CPA4: variants seen among roughly 807,000 people sequenced by gnomAD.
CPA4 encodes carboxypeptidase A3.
Under a neutral mutation model 54.7 loss-of-function variants are expected in CPA4, and 49 were observed. The ratio of observed to expected loss-of-function variants is 0.90; its 90% CI spans 0.71 to 1.14. The LOEUF (loss-of-function observed/expected upper bound fraction) is 1.14, where lower values mean the gene tolerates loss of function less well. CPA4 is among the 50% of genes most tolerant of loss of function. CPA4 has a pLI of 0.00. For missense variants in CPA4, 487 were observed against 525.1 expected, an observed-to-expected ratio of 0.93 and a Z score of 0.71; for synonymous variants, 215 against 206.8, an observed-to-expected ratio of 1.04 and a Z score of -0.34.
rs1287981814 is a variant in CPA4, at chr7:130,310,712, C to G, written c.794-75C>G. 3.5e-6 allele frequency: 5 copies of G among 1,428,426 alleles called. No homozygotes were observed. The highest frequency in any genetic ancestry group is 4.9e-6 in the Non-Finnish European group (5 of 1,016,208). The allele number at this position is 1,428,426 out of a possible 1,614,324, so 88.5% of individuals were successfully genotyped here. ...CCCATTCCCAATACCTTCGGCCCCT[C>G]TCTAGGTGGAGCGTCTTGCATTTCT... On this transcript the variant is annotated intron_variant, in intron 8 of 10. Transcript: ENST00000222482. The surrounding 1 kb of genome is among the most constrained non-coding windows in gnomAD (Gnocchi z 4.3).
chr7:130,305,242 A>G (rs1793801611), intron 5 of CPA4, among the ~76,000 whole-genome samples: 1 of 152,180 alleles, frequency 6.6e-6, no homozygotes. Flanking sequence ...CCAGTGGGAG[A>G]GGAGACCTGC....
chr7:130,298,660 C>G, intron 1 of CPA4, 86 bp from the exon 2 acceptor site: 2 of 807,954 alleles, frequency 2.5e-6, no homozygotes, highest in Non-Finnish European at 4.3e-6. Context: ...CTGGTTACGT[C>G]TGGGATAGGA....
chr7:130,308,282 G>C (rs761966695), intron 7 of CPA4, 25 bp from the exon 8 acceptor site: 7 of 1,601,568 alleles, frequency 4.4e-6, no homozygotes, highest in Non-Finnish European at 6.0e-6. Context: ...CTGGTTGTTT[G>C]TCCCCTCCTT....
intron 10 of CPA4, among the ~76,000 whole-genome samples, chr7:130,314,174 A>G (rs532116515): frequency 2.0e-5 from 3 of 152,310 alleles, no homozygotes; most frequent in East Asian, 1.9e-4. Flanking sequence ...TTTGGTGGTC[A>G]GAGGGGTGTT....
chr7:130,314,510 C>CGT (rs1343041736), intron 10 of CPA4, among the ~76,000 whole-genome samples: 2 of 152,160 alleles, frequency 1.3e-5, no homozygotes, highest in African/African-American at 4.8e-5. Context: ...GGAAGAGCTG[C>CGT]GTAAGCTGAG....
chr7:130,315,837 C>T (rs1793979119), intron 10 of CPA4, among the ~76,000 whole-genome samples: 1 of 152,050 alleles, frequency 6.6e-6, no homozygotes, highest in Non-Finnish European at 1.5e-5. Context: ...GCAAATAGAG[C>T]ATTGATGGGA....
At chr7:130,300,718 G>A (rs1793726545) in intron 3 of CPA4, 98 bp from the exon 4 acceptor site, 8 of 745,616 alleles carry the variant, frequency 1.1e-5, no homozygotes, top group Non-Finnish European at 1.7e-5. Flanking sequence ...TGCTGAAAGG[G>A]CCGCCATCTT....
rs190845836 is a variant in CPA4, at chr7:130,310,939, T to G, written c.946T>G (p.Tyr316Asp). 1 of 1,614,154 alleles carries G rather than the reference T, an allele frequency of 6.2e-7. No individual in the cohort carries two copies. Among genetic ancestry groups the G allele is most frequent in the African/African-American group, 1.3e-5 (1 of 75,042 alleles). ...GCACAGCTACTCGCAGCTGCTGATGTATCCATATGGGTACTCAGTCAAAAA... is the reference window on the plus strand; with the variant it reads ...GCACAGCTACTCGCAGCTGCTGATGGATCCATATGGGTACTCAGTCAAAAA... ...DLHSYSQLLM[Y>D]PYGYSVKKAP... Residue 316 changes from tyrosine to aspartate, a missense_variant, in exon 9 of 11, where the codon TAT becomes GAT. Physicochemically the swap from Tyr to Asp is radical, Grantham distance 160. Coordinates refer to ENST00000222482, the MANE Select transcript of CPA4 (RefSeq NM_016352.4). This position sits in a 1 kb window ranked among gnomAD's most constrained non-coding sequence, Gnocchi z 4.3.
chr7:130,303,364 A>G (rs1217650835), intron 4 of CPA4, among the ~76,000 whole-genome samples: 2 of 152,244 alleles, frequency 1.3e-5, no homozygotes, highest in African/African-American at 2.4e-5. Flanking sequence ...GGGCACATGT[A>G]TCCACAGGAT....
At position 130,310,740 on chromosome 7, in the gene CPA4, G is replaced by A. The variant is rs759952173; in HGVS notation, c.794-47G>A. ...TAGGTGGAGCGTCTTGCATTTCTGT[G>A]TTCTTGGACTATGAGTTAATGTTTG... is the stretch of plus-strand genomic sequence containing the variant. On this transcript the variant is annotated intron_variant, in intron 8 of 10. Transcript: ENST00000222482. This position sits in a 1 kb window ranked among gnomAD's most constrained non-coding sequence, Gnocchi z 4.3. The A allele has an allele frequency of 3.2e-6, 5 of 1,568,524 alleles. No homozygotes were observed. The highest frequency in any genetic ancestry group is 4.4e-6 in the Non-Finnish European group (5 of 1,138,964).
chr7:130,319,588 C>T (rs865884976), intron 10 of CPA4, among the ~76,000 whole-genome samples: 5 of 152,188 alleles, frequency 3.3e-5, no homozygotes, highest in Non-Finnish European at 7.3e-5. Context: ...TTCCCAATAA[C>T]CCAATGGGGC....
At chr7:130,305,997 G>C (rs1026099417) in intron 6 of CPA4, 77 bp downstream of exon 6, 1 of 1,242,916 alleles carries the variant, frequency 8.0e-7, no homozygotes, top group East Asian at 2.3e-5. Flanking sequence ...GCTGGGCCTG[G>C]GGCACGAGGT....
intron 10 of CPA4, among the ~76,000 whole-genome samples, chr7:130,317,777 T>C (rs1281059871): frequency 1.3e-5 from 2 of 152,088 alleles, no homozygotes; most frequent in South Asian, 2.1e-4. Context: ...TTCCCCTCTA[T>C]TGGCTTTTCT....
rs1562929754 is a variant in CPA4, at chr7:130,305,833, CGT to C, written c.506_507del (p.Val169GlufsTer32). 6.2e-7 allele frequency: 1 copy of C among 1,614,094 alleles called. No homozygotes were observed. The highest frequency in any genetic ancestry group is 1.3e-5 in the African/African-American group (1 of 75,048). On this transcript the variant is annotated frameshift_variant, in exon 6 of 11. Transcript: ENST00000222482. LOFTEE classifies it high-confidence loss of function. ...YVLKFSTGKGVRRPAVWLNAG... is the reference protein window; with the variant it reads ...YVLKFSTGKGXRRPAVWLNAG... ...TTCTGCAGTTCAGCACTGGGAAAGGCGTGAGGCGGCCGGCCGTTTGGCTGAAT... is the reference window on the plus strand; with the variant it reads ...TTCTGCAGTTCAGCACTGGGAAAGGCGAGGCGGCCGGCCGTTTGGCTGAAT...
At chr7:130,297,739 G>A (rs558852426) in intron 1 of CPA4, among the ~76,000 whole-genome samples, 10 of 152,284 alleles carry the variant, frequency 6.6e-5, no homozygotes, top group South Asian at 4.1e-4. Context: ...AGCCCACAGC[G>A]GCTCTCTTTG....
chr7:130,293,185 G>A lies in CPA4; in HGVS notation c.5G>A (p.Arg2Lys), dbSNP rs1299749597. 18 of 1,608,808 alleles carry A rather than the reference G, an allele frequency of 1.1e-5. No homozygotes were observed. Among genetic ancestry groups the A allele is most frequent in the Non-Finnish European group, 1.5e-5 (18 of 1,175,212 alleles). The change falls in exon 1 of 11, where the codon AGG becomes AAG. Residue 2 changes from arginine (R) to lysine (K), a missense_variant. Physicochemically the swap from Arg to Lys is conservative, Grantham distance 26 (BLOSUM62 2). Transcript: ENST00000222482. Reference protein sequence around the residue: MRWILFIGALIG... With the variant: MKWILFIGALIG... The stretch of plus-strand genomic sequence containing the variant: ...TATGACTGACTCCCCGGGGACATGA[G>A]GTGGATACTGTTCATTGGGGCCCTT...
At chr7:130,306,678 A>G in intron 6 of CPA4, 109 bp from the exon 7 acceptor site, 1 of 690,562 alleles carries the variant, frequency 1.4e-6, no homozygotes. Flanking sequence ...ATGCTGTTCT[A>G]GGAGCATTCA....
At chr7:130,294,458 A>C (rs534805271) in intron 1 of CPA4, among the ~76,000 whole-genome samples, 1 of 152,270 alleles carries the variant, frequency 6.6e-6, no homozygotes, top group South Asian at 2.1e-4. Context: ...GTGGCCAGGG[A>C]AGATTTTCCC....
At chr7:130,303,691 C>T (rs2117140435) in intron 4 of CPA4, among the ~76,000 whole-genome samples, 1 of 151,654 alleles carries the variant, frequency 6.6e-6, no homozygotes, top group South Asian at 2.1e-4. Context: ...TGCAGTGGTG[C>T]ATTCGTGGCT....
Sources: allele counts gnomAD v4.1 joint callset (sites outside exome capture counted in the v4.1 genomes callset), GRCh38; gene constraint gnomAD v4.1.1; non-coding constraint Gnocchi (gnomAD v3.1); transcripts MANE v1.5; gene names NCBI Gene and HGNC (gene_info 2026-07-23, HGNC 2026-07-21).